GALNTL6: variants seen among roughly 807,000 people sequenced by gnomAD.
GALNTL6 encodes polypeptide N-acetylgalactosaminyltransferase-like 6.
In GALNTL6, 46 loss-of-function variants were observed where a neutral mutation model predicts 73.7. The observed-to-expected ratio is 0.62, with a 90% CI of 0.49 to 0.80. The LOEUF (loss-of-function observed/expected upper bound fraction) is 0.80. GALNTL6 is among the 30% of genes least tolerant of loss of function. GALNTL6 has a pLI of 0.00. For missense variants in GALNTL6, 604 were observed against 755.0 expected (o/e 0.80, Z 2.34); for synonymous variants, 259 against 263.7 (o/e 0.98, Z 0.17).
chr4:172,949,638 G>A (rs930227573), intron 9 of GALNTL6, among the ~76,000 whole-genome samples: 7 of 151,916 alleles, frequency 4.6e-5, no homozygotes, highest in African/African-American at 7.3e-5. Flanking sequence ...AGCGGGGTGC[G>A]CTGGCTCACA....
intron 2 of GALNTL6, among the ~76,000 whole-genome samples, chr4:172,177,817 G>GTATATATACACACACATATA (rs1248713220): frequency 3.8e-5 from 5 of 132,170 alleles, no homozygotes; most frequent in Non-Finnish European, 7.8e-5. Context: ...ATATATGTGT[G>GTATATATACACACACATATA]TGTATATATA....
At chr4:172,480,941 G>A (rs1334385931) in intron 5 of GALNTL6, among the ~76,000 whole-genome samples, 1 of 152,198 alleles carries the variant, frequency 6.6e-6, no homozygotes, top group East Asian at 1.9e-4. Flanking sequence ...TGGACTCTCG[G>A]AAGTGGCAAA....
intron 5 of GALNTL6, among the ~76,000 whole-genome samples, chr4:172,691,994 G>A (rs1160052632): frequency 6.6e-6 from 1 of 151,782 alleles, no homozygotes; most frequent in Admixed American, 6.6e-5. Context: ...TCAAAATTGA[G>A]AGTTGTATTC....
chr4:172,140,529 A>T (rs1733772533), intron 2 of GALNTL6, among the ~76,000 whole-genome samples: 2 of 152,038 alleles, frequency 1.3e-5, no homozygotes. Flanking sequence ...CATAGGTATC[A>T]CTATTTTCTC....
At chr4:172,122,534 C>T (rs1424623954) in intron 2 of GALNTL6, among the ~76,000 whole-genome samples, 1 of 152,104 alleles carries the variant, frequency 6.6e-6, no homozygotes, top group Admixed American at 6.5e-5. Flanking sequence ...CAGACCAGTT[C>T]CCATTTTTAG....
At position 172,602,681 on chromosome 4, in the gene GALNTL6, A is replaced by T. The variant is rs1165574882; in HGVS notation, c.554-206680A>T. On this transcript the variant is annotated intron_variant, in intron 5 of 12. Coordinates refer to ENST00000506823, the MANE Select transcript of GALNTL6 (RefSeq NM_001034845.3). ...CAGCCACTTGGGGGAAAAGATTGGC[A>T]GCTTCTTTAAATATATGCTTGCTTT... Among the ~76,000 whole-genome samples the T allele has an allele frequency of 2.6e-5, 4 of 152,164 alleles. No homozygotes were observed. In the East Asian group the frequency reaches 5.8e-4, roughly 22 times the overall value.
intron 2 of GALNTL6, among the ~76,000 whole-genome samples, chr4:172,057,701 C>CAA (rs57041409): frequency 1.6e-5 from 1 of 63,138 alleles, no homozygotes; most frequent in African/African-American, 7.0e-5. Context: ...GACCCTGTCT[C>CAA]AAAAAAAAAA....
intron 5 of GALNTL6, among the ~76,000 whole-genome samples, chr4:172,539,901 A>G (rs1482522817): frequency 7.2e-6 from 1 of 138,648 alleles, no homozygotes; most frequent in Non-Finnish European, 1.5e-5. Flanking sequence ...ATATATATAT[A>G]TATATAAAAA....
At chr4:172,802,297 G>A (rs1740695479) in intron 5 of GALNTL6, among the ~76,000 whole-genome samples, 1 of 152,126 alleles carries the variant, frequency 6.6e-6, no homozygotes, top group South Asian at 2.1e-4. Flanking sequence ...ACAAAGGCTG[G>A]AATGTAACAA....
chr4:172,894,387 G>T (rs1481579774), intron 8 of GALNTL6, among the ~76,000 whole-genome samples: 2 of 151,948 alleles, frequency 1.3e-5, no homozygotes, highest in African/African-American at 4.8e-5. Flanking sequence ...ATATATTCTG[G>T]TGTGTTGTGT....
intron 8 of GALNTL6, among the ~76,000 whole-genome samples, chr4:172,925,497 A>G (rs1391015968): frequency 2.6e-5 from 4 of 152,220 alleles, no homozygotes; most frequent in Non-Finnish European, 4.4e-5. Context: ...ATTATCAATC[A>G]GTTCACTTTA....
chr4:171,878,012 G>A (rs138187172), intron 2 of GALNTL6, among the ~76,000 whole-genome samples: 318 of 152,172 alleles, frequency 2.1e-3, no homozygotes, highest in African/African-American at 7.0e-3. Flanking sequence ...ACATTATTCT[G>A]TTTATAAATG....
chr4:172,032,495 AT>A (rs747799698), intron 2 of GALNTL6, among the ~76,000 whole-genome samples: 30 of 152,214 alleles, frequency 2.0e-4, no homozygotes, highest in Non-Finnish European at 3.7e-4. Flanking sequence ...TGACTATAAT[AT>A]GGGCTGATGG....
At chr4:172,147,108 T>C (rs1733947358) in intron 2 of GALNTL6, among the ~76,000 whole-genome samples, 1 of 152,208 alleles carries the variant, frequency 6.6e-6, no homozygotes, top group African/African-American at 2.4e-5. Flanking sequence ...ATGTCCTGTA[T>C]TTCCAGTTTT....
intron 2 of GALNTL6, among the ~76,000 whole-genome samples, chr4:172,082,049 G>A (rs930048904): frequency 6.6e-6 from 1 of 151,724 alleles, no homozygotes; most frequent in Non-Finnish European, 1.5e-5. Context: ...GCTAATTTTC[G>A]TATTTTTAGT....
At chr4:172,658,162 A>AAAAAAAAAAAAAAAG (rs1184427799) in intron 5 of GALNTL6, among the ~76,000 whole-genome samples, 5 of 124,400 alleles carry the variant, frequency 4.0e-5, no homozygotes, top group African/African-American at 1.5e-4. Context: ...AAAAAAAAAA[A>AAAAAAAAAAAAAAAG]AAAAAAAGAA....
chr4:172,419,176 C>T (rs951679619), intron 5 of GALNTL6, among the ~76,000 whole-genome samples: 2 of 151,938 alleles, frequency 1.3e-5, no homozygotes, highest in African/African-American at 4.8e-5. Flanking sequence ...TCATGAATAT[C>T]GAGAATTTTT....
At chr4:172,302,866 C>G (rs940290649) in intron 3 of GALNTL6, among the ~76,000 whole-genome samples, 1 of 151,550 alleles carries the variant, frequency 6.6e-6, no homozygotes, top group African/African-American at 2.4e-5. Context: ...TTCTATATGT[C>G]TCATTTGTTA....
chr4:172,102,155 A>G (rs1489941019), intron 2 of GALNTL6, among the ~76,000 whole-genome samples: 1 of 152,220 alleles, frequency 6.6e-6, no homozygotes, highest in Non-Finnish European at 1.5e-5. Context: ...GAATTTCTAC[A>G]TGGTCTTGGG....
Sources: allele counts gnomAD v4.1 joint callset (sites outside exome capture counted in the v4.1 genomes callset), GRCh38; gene constraint gnomAD v4.1.1; transcripts MANE v1.5; gene names NCBI Gene and HGNC (gene_info 2026-07-23, HGNC 2026-07-21).